MCF2L: variants seen among roughly 807,000 people sequenced by gnomAD.
MCF2L encodes the protein guanine nucleotide exchange factor DBS.
In MCF2L, 97 loss-of-function variants were observed where a neutral mutation model predicts 153.4. The ratio of observed to expected loss-of-function variants is 0.63; its 90% confidence interval spans 0.54 to 0.75. The LOEUF (loss-of-function observed/expected upper bound fraction) is 0.75. MCF2L is among the 30% of genes least tolerant of loss of function. The pLI is 0.00. For missense variants in MCF2L, 1,347 were observed against 1,495.2 expected, an observed-to-expected ratio of 0.90 and a Z score of 1.64; for synonymous variants, 659 against 632.2, an observed-to-expected ratio of 1.04 and a Z score of -0.64.
intron 20 of MCF2L, 46 bp downstream of exon 20, chr13:113,085,224 G>C: frequency 6.4e-7 from 1 of 1,573,702 alleles, no homozygotes; most frequent in Non-Finnish European, 8.7e-7. Flanking sequence ...GCACCTGCTG[G>C]CCAGGTGTCT....
intron 7 of MCF2L, chr13:113,065,357 C>A: frequency 2.1e-6 from 1 of 476,062 alleles, no homozygotes; most frequent in Non-Finnish European, 3.8e-6. Flanking sequence ...AACCATTGGC[C>A]CTGGGTGGCC....
rs550639440 is a variant in MCF2L at position 112,933,942 on chromosome 13, G to T, written c.169+31571G>T. Among the ~76,000 whole-genome samples, 6 of 152,370 alleles carry T rather than the reference G, an allele frequency of 3.9e-5. No homozygotes were observed. The East Asian group carries it at 1.2e-3, about 29-fold the overall frequency. On this transcript the variant is annotated intron_variant, in intron 2 of 29. Transcript: ENST00000375608. ...TGTCCAGTGCTGATGCCATCTGCAG[G>T]TACTGACCTCCTCCTGAGCTCTGCC...
rs762239476 is a variant in MCF2L, at chr13:113,075,066, G to A, written c.1185G>A (p.Ala395=). ...AGCTCATTGGGAACAAGCACTACGC[G>A]GTAGACTCCATCCGCCCAAAGTGCC... is the stretch of plus-strand genomic sequence containing the variant. The part of the protein sequence containing the change: ...GEQLIGNKHY[A]VDSIRPKCQE... The change falls in exon 11 of 30, where the codon GCG becomes GCA. Residue 395 remains alanine (A), a synonymous_variant. Transcript: ENST00000535094. The A allele has an allele frequency of 1.3e-5, 21 of 1,613,682 alleles. No individual in the cohort carries two copies. The highest frequency in any genetic ancestry group is 1.7e-5 in the Non-Finnish European group (20 of 1,179,990).
chr13:113,038,009 A>G (rs979685802), intron 3 of MCF2L, among the ~76,000 whole-genome samples: 2 of 152,216 alleles, frequency 1.3e-5, no homozygotes, highest in Non-Finnish European at 2.9e-5. Flanking sequence ...ACTAAACTTA[A>G]TTGTATTTTA....
intron 22 of MCF2L, 60 bp downstream of exon 22, chr13:113,087,516 CTG>C: frequency 7.1e-7 from 1 of 1,416,906 alleles, no homozygotes; most frequent in Non-Finnish European, 9.7e-7. Flanking sequence ...CGGGGGAAGT[CTG>C]TAACTCGGTC....
At chr13:113,025,846 T>C (rs148513110) in intron 3 of MCF2L, among the ~76,000 whole-genome samples, 2,195 of 24,520 alleles carry the variant, frequency 0.09, 62 homozygotes, top group Middle Eastern at 0.23. Flanking sequence ...TGAGGTTTCA[T>C]CATGGTGGGG....
rs1328333611 is a variant in MCF2L, at chr13:112,993,213, T to A, written c.80-21550T>A. Among the ~76,000 whole-genome samples, 2 of 152,170 alleles carry A rather than the reference T, an allele frequency of 1.3e-5. No homozygotes were observed. Among genetic ancestry groups the A allele is most frequent in the Non-Finnish European group, 2.9e-5 (2 of 68,030 alleles). On this transcript the variant is annotated intron_variant, in intron 1 of 29. Transcript: ENST00000535094. The surrounding 1 kb of genome is among the most constrained non-coding windows in gnomAD (Gnocchi z 4.6). ...GGAGGATCTGGTGATGGAGACACGA[T>A]GGCACAGCCCCGGTGAAGCCACGTG...
rs61966397 is a variant in MCF2L at position 113,074,573 on chromosome 13, G to T, written c.1116+10G>T. 49,348 of 1,611,954 alleles carry T rather than the reference G, an allele frequency of 0.031. 1,022 individuals are homozygous for T. Among genetic ancestry groups the T allele is most frequent in the Admixed American group, 0.087 (5,194 of 60,000 alleles). ...CGAGGAGAAATCAGGCGTAAGGCGG[G>T]GTCCCGGCGGGGGCGGCGGGAGAGT... On this transcript the variant is annotated intron_variant, in intron 10 of 29. Coordinates refer to ENST00000535094, the MANE Select transcript of MCF2L (RefSeq NM_001112732.3). This position sits in a 1 kb window ranked among gnomAD's most constrained non-coding sequence, Gnocchi z 4.2.
At chr13:113,069,740 A>G (rs939540442) in intron 8 of MCF2L, among the ~76,000 whole-genome samples, 1 of 152,242 alleles carries the variant, frequency 6.6e-6, no homozygotes, top group African/African-American at 2.4e-5. Flanking sequence ...ATAAATTTTA[A>G]AAAAAGTTTT....
In MCF2L at chr13:113,090,117, G is replaced by A. The variant is rs975829313; in HGVS notation, c.2953+389G>A. The A allele has an allele frequency of 2.6e-6, 4 of 1,547,614 alleles. No homozygotes were observed. The African/African-American group carries it at 5.5e-5, about 21-fold the overall frequency. ...CAGAAAGCTCTGCGCTTTCCAGAAAGCGCTTTACCCTGCAGGGTTTTGCTA... is the reference window on the plus strand; with the variant it reads ...CAGAAAGCTCTGCGCTTTCCAGAAAACGCTTTACCCTGCAGGGTTTTGCTA... On this transcript the variant is annotated intron_variant, in intron 26 of 29. Transcript: ENST00000535094.
intron 2 of MCF2L, among the ~76,000 whole-genome samples, chr13:112,937,074 G>C (rs189586345): frequency 6.6e-6 from 1 of 152,046 alleles, no homozygotes; most frequent in East Asian, 1.9e-4. Flanking sequence ...TTATTTTTGA[G>C]ATAGAGTCTC....
chr13:113,065,488 C>T (rs1382493609), intron 7 of MCF2L, among the ~76,000 whole-genome samples: 1 of 152,224 alleles, frequency 6.6e-6, no homozygotes, highest in Non-Finnish European at 1.5e-5. Context: ...ATGTCTGTGC[C>T]GGTTTCTCAT....
intron 2 of MCF2L, chr13:112,902,498 C>A: frequency 1.0e-6 from 1 of 986,254 alleles, no homozygotes. Flanking sequence ...ATGCATGACC[C>A]CCCAGGTAGC....
In MCF2L at chr13:113,046,320, C is replaced by T; in HGVS notation, c.369+959C>T. The T allele has an allele frequency of 6.5e-6, 2 of 307,534 alleles. No individual in the cohort carries two copies. The highest frequency in any genetic ancestry group is 5.4e-5 in the South Asian group (2 of 36,780). The allele number at this position is 307,534 out of a possible 1,614,324, so 19.1% of individuals were successfully genotyped here. On this transcript the variant is annotated intron_variant, in intron 4 of 29. Coordinates refer to ENST00000535094, the MANE Select transcript of MCF2L (RefSeq NM_001112732.3). The surrounding 1 kb of genome is among the most constrained non-coding windows in gnomAD (Gnocchi z 4.4). ...CTGGGTCCAGGCACCTGCATGTTCT[C>T]ACGCCCGCCACAGCCCGTCCCTCCC... is the stretch of plus-strand genomic sequence containing the variant.
chr13:113,088,388 AGCTGCAG>A lies in MCF2L; in HGVS notation c.2754_2760del (p.Gln919ValfsTer45). ...GAAATTCGGAAAGTGCTGACCAGCC[AGCTGCAG>A]GCTTGTAGAGGTGAGGCTGTCTTCA... On this transcript the variant is annotated frameshift_variant, in exon 24 of 30. Transcript: ENST00000535094. LOFTEE classifies it high-confidence loss of function. 1 of 1,614,020 alleles carries A rather than the reference AGCTGCAG, an allele frequency of 6.2e-7. No individual in the cohort carries two copies. Among genetic ancestry groups the A allele is most frequent in the Non-Finnish European group, 8.5e-7 (1 of 1,180,024 alleles).
intron 12 of MCF2L, among the ~76,000 whole-genome samples, chr13:113,076,679 G>T (rs2033513329): frequency 6.6e-6 from 1 of 152,262 alleles, no homozygotes; most frequent in Admixed American, 6.5e-5. Context: ...CTGCGAGGTG[G>T]CCATCCCGCC....
intron 1 of MCF2L, among the ~76,000 whole-genome samples, chr13:112,991,250 G>C (rs2082884424): frequency 6.6e-6 from 1 of 151,938 alleles, no homozygotes. Flanking sequence ...CTGATTCGCT[G>C]TGTTTTGGGG....
chr13:113,079,144 G>A (rs941648144), intron 15 of MCF2L, among the ~76,000 whole-genome samples: 1 of 152,202 alleles, frequency 6.6e-6, no homozygotes, highest in African/African-American at 2.4e-5. Context: ...AGGCAGTGGT[G>A]CCAGGCAGCT....
intron 21 of MCF2L, 77 bp from the exon 22 acceptor site, chr13:113,087,155 GGCT>G: frequency 8.0e-7 from 1 of 1,256,236 alleles, no homozygotes. Flanking sequence ...TTTGCAGAGT[GGCT>G]GCTTTCACTC....
Sources: gnomAD v4.1 joint callset for allele counts (sites outside exome capture counted in the v4.1 genomes callset) on GRCh38, gnomAD v4.1.1 for gene constraint, Gnocchi (gnomAD v3.1) non-coding constraint, MANE v1.5 for transcripts, NCBI Gene and HGNC (gene_info 2026-07-23, HGNC 2026-07-21) for gene names.